The following TRAPPC4 variants were observed in gnomAD, a reference collection of about 807,000 sequenced individuals.
TRAPPC4 encodes the protein TRS23 homolog.
TRAPPC4 carries 30 observed loss-of-function variants against 23.5 expected under a neutral mutation model. That is an observed-to-expected ratio of 1.28 (90% CI 0.96 to 1.73). TRAPPC4 has a LOEUF of 1.73. TRAPPC4 is among the 40% of genes most tolerant of loss of function. TRAPPC4 has a pLI of 0.00. For synonymous variants in TRAPPC4, 129 were observed against 105.3 expected (o/e 1.23, Z -1.38); for missense variants, 252 against 268.9 (o/e 0.94, Z 0.44).
intron 4 of TRAPPC4, 60 bp downstream of exon 4, chr11:119,021,946 T>C: frequency 1.3e-6 from 2 of 1,584,340 alleles, no homozygotes; most frequent in Non-Finnish European, 1.7e-6. Flanking sequence ...CTGTGTGCTC[T>C]GTCCAAAGTT....
intron 3 of TRAPPC4, chr11:119,021,430 C>T (rs926993448): frequency 9.9e-5 from 23 of 231,464 alleles, no homozygotes; most frequent in Non-Finnish European, 1.6e-4. Context: ...AGTGTCATTG[C>T]TTCACCCTCT....
chr11:119,021,411 T>C (rs782136425), intron 3 of TRAPPC4: 34 of 203,808 alleles, frequency 1.7e-4, no homozygotes, highest in Non-Finnish European at 3.1e-4. Context: ...ATATGACCTT[T>C]GGATTGCCAG....
intron 3 of TRAPPC4, 87 bp downstream of exon 3, chr11:119,020,340 G>A (rs1943320834): frequency 9.6e-7 from 1 of 1,041,086 alleles, no homozygotes; most frequent in Non-Finnish European, 1.4e-6. Flanking sequence ...GTGGGCCAGA[G>A]GAGTGTGGTG....
At chr11:119,020,040 C>G in intron 2 of TRAPPC4, 110 bp from the exon 3 acceptor site, 1 of 680,540 alleles carries the variant, frequency 1.5e-6, no homozygotes, top group Admixed American at 2.5e-5. Context: ...CACACTACTT[C>G]TCCTGACTGT....
rs553310166 is a variant in TRAPPC4, at chr11:119,023,467, A to C, written c.*68A>C. The C allele has an allele frequency of 6.8e-7, 1 of 1,478,106 alleles. No homozygotes were observed. 91.6% of individuals were successfully genotyped at this position (1,478,106 alleles called of 1,614,324 possible). On this transcript the variant is annotated 3_prime_UTR_variant, in exon 5 of 5. Transcript: ENST00000533632. ...ACAAGAATACTGCTGTTGACACTCC[A>C]GTGGAAATCCCAGCAGCCTTGTTAG...
chr11:119,020,401 G>A (rs1380504390), intron 3 of TRAPPC4, 148 bp downstream of exon 3: 3 of 609,902 alleles, frequency 4.9e-6, no homozygotes, highest in Non-Finnish European at 5.9e-6. Flanking sequence ...TAAGCAAGAA[G>A]AGGGGGTGTG....
chr11:119,022,543 G>A (rs1226951808), intron 4 of TRAPPC4, among the ~76,000 whole-genome samples: 6 of 151,984 alleles, frequency 3.9e-5, no homozygotes, highest in South Asian at 2.1e-4. Context: ...AACCATGCTC[G>A]TGCCACTGCA....
intron 4 of TRAPPC4, 78 bp downstream of exon 4, chr11:119,021,964 G>A: frequency 3.3e-6 from 5 of 1,525,106 alleles, no homozygotes; most frequent in Non-Finnish European, 4.5e-6. Context: ...GTTAGCTGAA[G>A]CATAGTAGAG....
At position 119,020,202 on chromosome 11, in the gene TRAPPC4, G is replaced by T; in HGVS notation, c.403G>T (p.Glu135Ter). ...TCCTGAACAGGGAAGCTCAGGCATTGAGATGCTGGAGACAGACACATTCAA... is the reference window on the plus strand; with the variant it reads ...TCCTGAACAGGGAAGCTCAGGCATTTAGATGCTGGAGACAGACACATTCAA... The part of the protein sequence containing the change: ...LSPEQGSSGI[E>*]MLETDTFKLH... The change falls in exon 3 of 5, where the codon GAG (glutamate) becomes TAG (stop). Residue 135 changes from glutamate (E) to a stop codon, truncating the protein, a stop_gained. Coordinates refer to ENST00000533632, the MANE Select transcript of TRAPPC4 (RefSeq NM_016146.6). LOFTEE classifies it high-confidence loss of function. 6.2e-7 allele frequency: 1 copy of T among 1,614,000 alleles called. No homozygotes were observed. Among genetic ancestry groups the T allele is most frequent in the Non-Finnish European group, 8.5e-7 (1 of 1,180,022 alleles).
At chr11:119,021,969 G>A (rs1943370232) in intron 4 of TRAPPC4, 83 bp downstream of exon 4, 1 of 1,511,948 alleles carries the variant, frequency 6.6e-7, no homozygotes, top group South Asian at 1.2e-5. Context: ...CTGAAGCATA[G>A]TAGAGTATTA....
chr11:119,021,761 G>T lies in TRAPPC4; in HGVS notation c.456G>T (p.Gly152=). The T allele has an allele frequency of 6.2e-7, 1 of 1,614,086 alleles. No homozygotes were observed. The change falls in exon 4 of 5, where the codon GGG becomes GGT. Residue 152 remains glycine, a splice_region_variant and synonymous_variant. Transcript: ENST00000533632. ...FKLHCYQTLT[G]IKFVVLADPR... ...TAACCATTCTTGGTCTCTCTCCAGG[G>T]ATCAAGTTTGTGGTTCTAGCAGATC... is the stretch of plus-strand genomic sequence containing the variant.
chr11:119,019,523 C>G (rs1943278083), intron 2 of TRAPPC4: 1 of 557,140 alleles, frequency 1.8e-6, no homozygotes, highest in South Asian at 2.2e-5. Context: ...CTCACTGCAG[C>G]CTCTGCCTCC....
In TRAPPC4 at chr11:119,023,582, G is replaced by T. The variant is rs1943461050; in HGVS notation, c.*183G>T. 1.1e-5 allele frequency: 6 copies of T among 533,202 alleles called. No homozygotes were observed. Among genetic ancestry groups the T allele is most frequent in the African/African-American group, 1.9e-5 (1 of 52,678 alleles). The allele number at this position is 533,202 out of a possible 1,614,324, so 33.0% of individuals were successfully genotyped here. On this transcript the variant is annotated 3_prime_UTR_variant, in exon 5 of 5. Coordinates refer to ENST00000533632, the MANE Select transcript of TRAPPC4 (RefSeq NM_016146.6). The stretch of plus-strand genomic sequence containing the variant: ...TGCTCTTTCCTTCTGTATATACCAT[G>T]GTCTTACTTTCCAACTCTGTACAGA...
rs144585030 is a variant in TRAPPC4 at position 119,023,342 on chromosome 11, C to T, written c.603C>T (p.Asn201=). Residue 201 remains asparagine, a synonymous_variant, in exon 5 of 5, where the codon AAC becomes AAT. Coordinates refer to ENST00000533632, the MANE Select transcript of TRAPPC4 (RefSeq NM_016146.6). The part of the protein sequence containing the change: ...MPIRCELFDQ[N]LKLALEVAEK... The stretch of plus-strand genomic sequence containing the variant: ...TTAGGTGTGAGCTCTTTGACCAGAA[C>T]CTGAAGCTAGCTCTGGAGGTGGCAG... 6.2e-6 allele frequency: 10 copies of T among 1,613,980 alleles called. No individual in the cohort carries two copies. The African/African-American group carries it at 8.0e-5, about 13-fold the overall frequency.
chr11:119,021,304 T>C, intron 3 of TRAPPC4: 1 of 155,402 alleles, frequency 6.4e-6, no homozygotes, highest in Non-Finnish European at 1.4e-5. Context: ...GAGGTTATCT[T>C]GTGTTCAGAT....
In TRAPPC4 at chr11:119,019,198, C is replaced by G. The variant is rs782165994; in HGVS notation, c.231C>G (p.Ala77=). The change falls in exon 2 of 5, where the codon GCC becomes GCG. Residue 77 remains alanine, a synonymous_variant. Transcript: ENST00000533632. ...NGMDVNGRYT[A]DGKEVLEYLG... ...TGGACGTGAATGGCAGGTACACGGC[C>G]GACGGGAAAGAGGTGCTGGAGTATC... 1.2e-6 allele frequency: 2 copies of G among 1,614,120 alleles called. No individual in the cohort carries two copies.
chr11:119,019,384 G>A, intron 2 of TRAPPC4, 67 bp downstream of exon 2: 1 of 1,529,760 alleles, frequency 6.5e-7, no homozygotes, highest in Non-Finnish European at 8.9e-7. Context: ...TCGTCGTTCT[G>A]GTGTTATGAA....
At chr11:119,021,661 T>C in intron 3 of TRAPPC4, 99 bp from the exon 4 acceptor site, 1 of 1,317,736 alleles carries the variant, frequency 7.6e-7, no homozygotes, top group Non-Finnish European at 1.1e-6. Context: ...AATAGGCTTA[T>C]GAAAGTGTTT....
chr11:119,021,668 G>GT, intron 3 of TRAPPC4, 92 bp from the exon 4 acceptor site: 2 of 1,431,606 alleles, frequency 1.4e-6, no homozygotes, highest in African/African-American at 2.9e-5. Flanking sequence ...TTATGAAAGT[G>GT]TTTTGCAAAA....
Sources: allele counts gnomAD v4.1 joint callset (sites outside exome capture counted in the v4.1 genomes callset), GRCh38; gene constraint gnomAD v4.1.1; transcripts MANE v1.5; gene names NCBI Gene and HGNC (gene_info 2026-07-23, HGNC 2026-07-21).